STAU2: variants seen among roughly 807,000 people sequenced by gnomAD.
STAU2 encodes the protein staufen double-stranded RNA binding protein 2.
In STAU2, 20 loss-of-function variants were observed where a neutral mutation model predicts 65.9. The ratio of observed to expected loss-of-function variants is 0.30; its 90% CI spans 0.21 to 0.44. The LOEUF is 0.44. STAU2 is among the 20% of genes least tolerant of loss of function. STAU2 has a pLI of 1.00. For synonymous variants in STAU2, 232 were observed against 233.9 expected, an observed-to-expected ratio of 0.99 and a Z score of 0.07; for missense variants, 558 against 683.9, an observed-to-expected ratio of 0.82 and a Z score of 2.05.
intron 6 of STAU2, among the ~76,000 whole-genome samples, chr8:73,626,120 C>T (rs1170457153): frequency 1.3e-5 from 2 of 151,270 alleles, no homozygotes; most frequent in African/African-American, 4.9e-5. Flanking sequence ...TACACATCAA[C>T]AAATGAGATG....
chr8:73,566,049 C>T (rs1808580092), intron 12 of STAU2, among the ~76,000 whole-genome samples: 1 of 152,172 alleles, frequency 6.6e-6, no homozygotes, highest in South Asian at 2.1e-4. Flanking sequence ...TTGGTAAATG[C>T]ACCAGACTGG....
chr8:73,481,077 C>A (rs962000755), intron 13 of STAU2, among the ~76,000 whole-genome samples: 3 of 152,120 alleles, frequency 2.0e-5, no homozygotes, highest in African/African-American at 7.2e-5. Flanking sequence ...ATGTACCCAC[C>A]TGCCAGGTTA....
At chr8:73,479,712 C>T (rs77050996) in intron 13 of STAU2, among the ~76,000 whole-genome samples, 5 of 143,904 alleles carry the variant, frequency 3.5e-5, no homozygotes, top group South Asian at 2.3e-4. Context: ...CTTAAATATA[C>T]GTGTGTGTGT....
intron 3 of STAU2, among the ~76,000 whole-genome samples, chr8:73,715,893 A>G (rs1005935420): frequency 2.0e-5 from 3 of 152,124 alleles, no homozygotes; most frequent in Admixed American, 2.0e-4. Context: ...AAGTTACAGC[A>G]GCTTACTGTG....
intron 2 of STAU2, among the ~76,000 whole-genome samples, chr8:73,739,393 A>AACAAC (rs1380757441): frequency 6.6e-6 from 1 of 152,128 alleles, no homozygotes; most frequent in Admixed American, 6.5e-5. Flanking sequence ...TATCTAAAGC[A>AACAAC]ACAACACAAT....
At chr8:73,501,241 C>A (rs534918034) in intron 13 of STAU2, among the ~76,000 whole-genome samples, 2 of 151,714 alleles carry the variant, frequency 1.3e-5, no homozygotes, top group Non-Finnish European at 2.9e-5. Flanking sequence ...AAGTACTGAA[C>A]CCTCATTAAA....
chr8:73,566,732 A>G (rs1808638597), intron 12 of STAU2, among the ~76,000 whole-genome samples: 1 of 152,174 alleles, frequency 6.6e-6, no homozygotes, highest in South Asian at 2.1e-4. Context: ...ATTTTCCTGT[A>G]TGTAAAACAT....
chr8:73,731,810 AC>A (rs1319992273), intron 3 of STAU2, among the ~76,000 whole-genome samples: 2 of 152,020 alleles, frequency 1.3e-5, no homozygotes, highest in Non-Finnish European at 2.9e-5. Context: ...GCGGTGGTGC[AC>A]GTCTGTAGTC....
intron 13 of STAU2, among the ~76,000 whole-genome samples, chr8:73,524,244 G>A (rs904585711): frequency 2.0e-5 from 3 of 152,130 alleles, no homozygotes; most frequent in African/African-American, 7.2e-5. Flanking sequence ...GCATGTGACG[G>A]GGACTAGGGG....
chr8:73,650,307 ATAAAT>A (rs1815763801), intron 6 of STAU2, among the ~76,000 whole-genome samples: 1 of 152,140 alleles, frequency 6.6e-6, no homozygotes, highest in East Asian at 1.9e-4. Flanking sequence ...AGGTCATGAA[ATAAAT>A]TTAATAAACC....
chr8:73,724,009 T>C (rs891532884), intron 3 of STAU2, among the ~76,000 whole-genome samples: 1 of 152,260 alleles, frequency 6.6e-6, no homozygotes, highest in Non-Finnish European at 1.5e-5. Flanking sequence ...GTCTTGTTTT[T>C]ATAATTTACT....
chr8:73,731,172 A>G (rs1299072276), intron 3 of STAU2, among the ~76,000 whole-genome samples: 1 of 152,200 alleles, frequency 6.6e-6, no homozygotes, highest in Non-Finnish European at 1.5e-5. Flanking sequence ...CCTGTCAAGC[A>G]TCTACGAAAT....
chr8:73,711,214 G>A (rs79844542), intron 3 of STAU2, among the ~76,000 whole-genome samples: 1,637 of 146,854 alleles, frequency 0.011, 14 homozygotes, highest in Non-Finnish European at 0.019. Context: ...AGACAGTTTT[G>A]AGAAAACCTG....
chr8:73,504,317 C>T (rs1821930747), intron 13 of STAU2, among the ~76,000 whole-genome samples: 1 of 152,078 alleles, frequency 6.6e-6, no homozygotes, highest in Non-Finnish European at 1.5e-5. Flanking sequence ...CTTGGCATTT[C>T]CCAAGGACTC....
chr8:73,596,113 T>TAA (rs79741976), intron 10 of STAU2, among the ~76,000 whole-genome samples: 1,516 of 134,946 alleles, frequency 0.011, 29 homozygotes, highest in African/African-American at 0.039. Context: ...ACTCCATCTT[T>TAA]AAAAAAAAAA....
At chr8:73,746,131 G>A (rs186401886) in intron 1 of STAU2, among the ~76,000 whole-genome samples, 142 of 152,104 alleles carry the variant, frequency 9.3e-4, no homozygotes, top group South Asian at 4.8e-3. Flanking sequence ...CCTGTCATAG[G>A]ATATATTTTG....
chr8:73,426,817 T>G (rs1270420701), intron 13 of STAU2, among the ~76,000 whole-genome samples: 1 of 152,206 alleles, frequency 6.6e-6, no homozygotes, highest in East Asian at 1.9e-4. Flanking sequence ...ATACCAACAC[T>G]GCATCAAATT....
At chr8:73,628,900 T>C (rs975456585) in intron 6 of STAU2, among the ~76,000 whole-genome samples, 1 of 152,230 alleles carries the variant, frequency 6.6e-6, no homozygotes, top group Admixed American at 6.5e-5. Context: ...TCCAGTGCTT[T>C]TGCTGATCAG....
chr8:73,724,517 C>A (rs1805483788), intron 3 of STAU2, among the ~76,000 whole-genome samples: 1 of 151,802 alleles, frequency 6.6e-6, no homozygotes. Context: ...GTATCACATT[C>A]AATAAATTAT....
Sources: allele counts gnomAD v4.1 joint callset (sites outside exome capture counted in the v4.1 genomes callset), GRCh38; gene constraint gnomAD v4.1.1; transcripts MANE v1.5; gene names NCBI Gene and HGNC (gene_info 2026-07-23, HGNC 2026-07-21).